Variants in VPS39 observed in about 807,000 individuals in gnomAD.
VPS39 encodes VPS39 subunit of HOPS complex.
VPS39 carries 70 observed loss-of-function variants against 121.0 expected under a neutral mutation model. The ratio of observed to expected loss-of-function variants is 0.58; its 90% CI spans 0.48 to 0.71. The LOEUF (loss-of-function observed/expected upper bound fraction) is 0.71, where lower values mean the gene tolerates loss of function less well. VPS39 is among the 30% of genes least tolerant of loss of function. The pLI is 0.00. For synonymous variants in VPS39, 378 were observed against 398.1 expected (o/e 0.95, Z 0.60); for missense variants, 818 against 1,051.5 (o/e 0.78, Z 3.07).
Position 42,160,637 on chromosome 15 carries a change from TA to T in VPS39, c.*116del. 2 of 882,200 alleles carry T rather than the reference TA, an allele frequency of 2.3e-6. No homozygotes were observed. Among genetic ancestry groups the T allele is most frequent in the Non-Finnish European group, 3.8e-6 (2 of 523,118 alleles). The allele number at this position is 882,200 out of a possible 1,614,324, so 54.6% of individuals were successfully genotyped here. On this transcript the variant is annotated 3_prime_UTR_variant, in exon 25 of 25. Coordinates refer to ENST00000318006, the MANE Select transcript of VPS39 (RefSeq NM_015289.5). Reference sequence around the variant, plus strand: ...TTGTTCCAGGGCACAAGATAGCCAGTAATGTCCAAATGGGGAGCCTTGTGGT... The same window carrying T: ...TTGTTCCAGGGCACAAGATAGCCAGTATGTCCAAATGGGGAGCCTTGTGGT...
rs1422323578 is a variant in VPS39 at position 42,191,927 on chromosome 15, GA to G, written c.140-368del. On this transcript the variant is annotated intron_variant, in intron 2 of 24. Coordinates refer to ENST00000318006, the MANE Select transcript of VPS39 (RefSeq NM_015289.5). ...AGTCAAATATAAGAGCCCAAGCCAT[GA>G]AACCCAGCCCAAAGCATCCTTAGAT... 5 of 1,024,928 alleles carry G rather than the reference GA, an allele frequency of 4.9e-6. No individual in the cohort carries two copies. In the African/African-American group the frequency reaches 8.1e-5, roughly 17 times the overall value. The allele number at this position is 1,024,928 out of a possible 1,614,324, so 63.5% of individuals were successfully genotyped here.
chr15:42,162,359 T>A lies in VPS39; in HGVS notation c.2298A>T (p.Leu766=). 2.5e-6 allele frequency: 4 copies of A among 1,613,150 alleles called. No homozygotes were observed. Among genetic ancestry groups the A allele is most frequent in the Non-Finnish European group, 3.4e-6 (4 of 1,179,440 alleles). ...TGGTGGTGTCCAGTTTGCTGTGGTG[T>A]AGCTCGAGGACCTGCAGAGCGGCCT... ...NLQAALQVLE[L]HHSKLDTTKA... Residue 766 remains leucine (L), a synonymous_variant, in exon 22 of 25, where the codon CTA becomes CTT. Coordinates refer to ENST00000318006, the MANE Select transcript of VPS39 (RefSeq NM_015289.5).
At chr15:42,178,384 G>A (rs2049501791) in intron 9 of VPS39, 46 bp from the exon 10 acceptor site, 2 of 1,613,936 alleles carry the variant, frequency 1.2e-6, no homozygotes, top group Non-Finnish European at 8.5e-7. Flanking sequence ...CAGGCTTTGT[G>A]ATGACACAGG....
At chr15:42,177,339 C>T (rs1213504393) in intron 10 of VPS39, among the ~76,000 whole-genome samples, 1 of 152,094 alleles carries the variant, frequency 6.6e-6, no homozygotes, top group East Asian at 1.9e-4. Flanking sequence ...GAACAAGACA[C>T]AGACTCTGAC....
chr15:42,193,987 C>T (rs1379281663), intron 2 of VPS39, among the ~76,000 whole-genome samples: 3 of 152,104 alleles, frequency 2.0e-5, no homozygotes, highest in Non-Finnish European at 4.4e-5. Context: ...GCATTTTTCC[C>T]TTGAGACAGC....
At chr15:42,194,313 A>T (rs910366831) in intron 2 of VPS39, among the ~76,000 whole-genome samples, 6 of 151,982 alleles carry the variant, frequency 3.9e-5, no homozygotes, top group African/African-American at 1.5e-4. Context: ...GTCTCTACTG[A>T]AAATACAAAA....
chr15:42,199,814 T>C, intron 2 of VPS39, 82 bp downstream of exon 2: 3 of 1,423,872 alleles, frequency 2.1e-6, no homozygotes, highest in Non-Finnish European at 9.5e-7. Context: ...TCTCTTTTAA[T>C]GGTCCAGGAA....
chr15:42,172,097 A>C (rs979492151), intron 11 of VPS39, among the ~76,000 whole-genome samples: 1 of 151,992 alleles, frequency 6.6e-6, no homozygotes, highest in African/African-American at 2.4e-5. Context: ...GTAACATGAC[A>C]CTCCTCCATC....
intron 8 of VPS39, among the ~76,000 whole-genome samples, chr15:42,179,369 A>G (rs568567388): frequency 6.6e-6 from 1 of 151,792 alleles, no homozygotes; most frequent in African/African-American, 2.4e-5. Context: ...GGAGATCGAG[A>G]CCATCCTGGC....
chr15:42,177,831 TA>T (rs2049488127), intron 10 of VPS39, among the ~76,000 whole-genome samples: 1 of 152,142 alleles, frequency 6.6e-6, no homozygotes. Flanking sequence ...CATGCCCAGC[TA>T]ATTTTTGTAT....
At chr15:42,203,081 G>A (rs978663892) in intron 1 of VPS39, among the ~76,000 whole-genome samples, 23 of 152,066 alleles carry the variant, frequency 1.5e-4, no homozygotes, top group African/African-American at 5.3e-4. Context: ...ATGTCTAGGG[G>A]CCGGGCACGG....
At position 42,162,365 on chromosome 15, in the gene VPS39, G is replaced by A. The variant is rs777621748; in HGVS notation, c.2292C>T (p.Leu764=). 1.9e-4 allele frequency: 305 copies of A among 1,609,764 alleles called. 1 individual carries two copies. Among genetic ancestry groups the A allele is most frequent in the African/African-American group, 4.1e-5 (3 of 74,062 alleles). The part of the protein sequence containing the change: ...KANLQAALQV[L]ELHHSKLDTT... The stretch of plus-strand genomic sequence containing the variant: ...TGTCCAGTTTGCTGTGGTGTAGCTC[G>A]AGGACCTGCAGAGCGGCCTGGAGGT... The change falls in exon 22 of 25, where the codon CTC becomes CTT. Residue 764 remains leucine (L), a synonymous_variant. Transcript: ENST00000318006.
chr15:42,170,987 G>C (rs1427987360), intron 11 of VPS39, among the ~76,000 whole-genome samples: 1 of 151,910 alleles, frequency 6.6e-6, no homozygotes, highest in Non-Finnish European at 1.5e-5. Context: ...TCTTCTCTTT[G>C]GTCTCCCAAA....
At chr15:42,183,169 C>T (rs1220316631) in intron 8 of VPS39, among the ~76,000 whole-genome samples, 3 of 151,410 alleles carry the variant, frequency 2.0e-5, no homozygotes, top group South Asian at 2.1e-4. Context: ...GGCACAATCT[C>T]GGCTCACCGC....
In VPS39 at chr15:42,162,185, A is replaced by G. The variant is rs1469509392; in HGVS notation, c.2326-19T>C. 1 of 1,613,936 alleles carries G rather than the reference A, an allele frequency of 6.2e-7. No individual in the cohort carries two copies. Among genetic ancestry groups the G allele is most frequent in the Non-Finnish European group, 8.5e-7 (1 of 1,179,938 alleles). On this transcript the variant is annotated intron_variant, in intron 22 of 24. Transcript: ENST00000318006. ...TGAGGGCCTAGGGACAGGAACAGAG[A>G]TAGGGACTGGGTGAGGTGAACAGGA...
intron 1 of VPS39, among the ~76,000 whole-genome samples, chr15:42,205,955 G>C (rs2050163008): frequency 6.6e-6 from 1 of 152,220 alleles, no homozygotes; most frequent in Non-Finnish European, 1.5e-5. Context: ...TTTGGCTTTA[G>C]TCAAAGAGGT....
intron 4 of VPS39, among the ~76,000 whole-genome samples, chr15:42,190,029 G>C (rs889836575): frequency 6.6e-6 from 1 of 151,748 alleles, no homozygotes; most frequent in Non-Finnish European, 1.5e-5. Context: ...TGCCCAGGCT[G>C]GTCTCAAACT....
intron 18 of VPS39, 186 bp from the exon 19 acceptor site, chr15:42,164,672 G>A: frequency 7.0e-7 from 1 of 1,434,602 alleles, no homozygotes; most frequent in Non-Finnish European, 9.1e-7. Context: ...TCAGCTTACG[G>A]TTAAAAAAAT....
At chr15:42,199,982 A>C (rs748137481) in intron 1 of VPS39, 21 bp from the exon 2 acceptor site, 1 of 1,530,378 alleles carries the variant, frequency 6.5e-7, no homozygotes, top group Non-Finnish European at 8.6e-7. Flanking sequence ...AAAACAAAAC[A>C]AAAACAAAAA....
Sources: gnomAD v4.1 joint callset for allele counts (sites outside exome capture counted in the v4.1 genomes callset) on GRCh38, gnomAD v4.1.1 for gene constraint, MANE v1.5 for transcripts, NCBI Gene and HGNC (gene_info 2026-07-23, HGNC 2026-07-21) for gene names.